Variants in IRF2 observed in about 807,000 individuals in gnomAD.
IRF2 encodes the protein interferon regulatory factor 2.
A neutral mutation model predicts 40.6 loss-of-function variants in IRF2; 15 were observed. The observed-to-expected ratio is 0.37, with a 90% CI of 0.25 to 0.57. The LOEUF (loss-of-function observed/expected upper bound fraction) is 0.57, where lower values mean the gene tolerates loss of function less well. Among genes scored for constraint, IRF2 ranks in the 20% least tolerant of loss-of-function variants. The pLI, the probability that IRF2 is intolerant of heterozygous loss-of-function variation, is 0.77. For missense variants in IRF2, 317 were observed against 455.7 expected, an observed-to-expected ratio of 0.70 and a Z score of 2.77; for synonymous variants, 151 against 165.5, an observed-to-expected ratio of 0.91 and a Z score of 0.67.
intron 6 of IRF2, among the ~76,000 whole-genome samples, chr4:184,404,750 C>T (rs1057252735): frequency 2.0e-5 from 3 of 152,138 alleles, no homozygotes; most frequent in Non-Finnish European, 2.9e-5. Context: ...AAGATCACCG[C>T]GGGGCCGGTG....
intron 1 of IRF2, among the ~76,000 whole-genome samples, chr4:184,465,670 T>C (rs1481159230): frequency 6.6e-6 from 1 of 152,208 alleles, no homozygotes; most frequent in South Asian, 2.1e-4. Context: ...TAAACGCTGC[T>C]CGAAAACACG....
intron 1 of IRF2, among the ~76,000 whole-genome samples, chr4:184,445,591 G>A (rs1738475305): frequency 6.7e-6 from 1 of 149,462 alleles, no homozygotes; most frequent in Non-Finnish European, 1.5e-5. Flanking sequence ...GGAGGCAGAG[G>A]TTACAGTGAA....
chr4:184,456,891 T>G (rs970652597), intron 1 of IRF2, among the ~76,000 whole-genome samples: 2 of 152,204 alleles, frequency 1.3e-5, no homozygotes, highest in Non-Finnish European at 2.9e-5. Flanking sequence ...CACAGGAATA[T>G]CTAGGCCTTT....
chr4:184,427,000 G>A (rs999103968), intron 2 of IRF2, among the ~76,000 whole-genome samples: 3 of 152,188 alleles, frequency 2.0e-5, no homozygotes, highest in African/African-American at 7.2e-5. Context: ...GCTTAGAAGG[G>A]TGCCTGGCAC....
At chr4:184,455,164 C>A (rs1456709702) in intron 1 of IRF2, among the ~76,000 whole-genome samples, 3 of 151,944 alleles carry the variant, frequency 2.0e-5, no homozygotes, top group Non-Finnish European at 2.9e-5. Context: ...CCCATCCCAC[C>A]TTTCTAACCT....
At chr4:184,399,171 GT>G in intron 6 of IRF2, 92 bp from the exon 7 acceptor site, 1 of 1,347,768 alleles carries the variant, frequency 7.4e-7, no homozygotes, top group Non-Finnish European at 1.0e-6. Flanking sequence ...AAAGAGCCAG[GT>G]CGCCAGGCTC....
intron 1 of IRF2, chr4:184,473,861 C>G (rs1739623721): frequency 6.6e-6 from 1 of 152,136 alleles, no homozygotes; most frequent in East Asian, 1.9e-4. Flanking sequence ...ACCCGCTCCC[C>G]TCCTTCGGAT....
At chr4:184,452,890 G>A (rs1212560925) in intron 1 of IRF2, among the ~76,000 whole-genome samples, 1 of 151,762 alleles carries the variant, frequency 6.6e-6, no homozygotes, top group African/African-American at 2.4e-5. Context: ...ATGCACTATG[G>A]GAGTATAAAA....
At chr4:184,429,214 G>A (rs1737784196) in intron 1 of IRF2, 144 bp from the exon 2 acceptor site, 5 of 665,092 alleles carry the variant, frequency 7.5e-6, no homozygotes, top group Non-Finnish European at 1.3e-5. Context: ...GTGTACTCAG[G>A]GGCTGTGCCA....
At chr4:184,416,345 G>GAAAAAAAAAAAAAAA (rs143280573) in intron 5 of IRF2, among the ~76,000 whole-genome samples, 1 of 94,436 alleles carries the variant, frequency 1.1e-5, no homozygotes. Flanking sequence ...AAAAAAAAAC[G>GAAAAAAAAAAAAAAA]AAAAAAAAAA....
At chr4:184,424,928 C>T (rs2149902516) in intron 2 of IRF2, among the ~76,000 whole-genome samples, 1 of 152,308 alleles carries the variant, frequency 6.6e-6, no homozygotes, top group Admixed American at 6.5e-5. Flanking sequence ...AATGTTGCTC[C>T]CCTTCAAATC....
At chr4:184,436,083 TCTC>T (rs1447368618) in intron 1 of IRF2, among the ~76,000 whole-genome samples, 1 of 151,842 alleles carries the variant, frequency 6.6e-6, no homozygotes, top group Admixed American at 6.6e-5. Flanking sequence ...TTCAAGCAAT[TCTC>T]CTGCCTCAGC....
chr4:184,423,073 A>G (rs1193274416), intron 2 of IRF2, among the ~76,000 whole-genome samples: 1 of 152,262 alleles, frequency 6.6e-6, no homozygotes, highest in Non-Finnish European at 1.5e-5. Context: ...GGTAAGAGAA[A>G]GCAAGATTCA....
At chr4:184,414,030 T>C (rs979977726) in intron 5 of IRF2, among the ~76,000 whole-genome samples, 1 of 152,222 alleles carries the variant, frequency 6.6e-6, no homozygotes, top group African/African-American at 2.4e-5. Flanking sequence ...TGGACAAACT[T>C]GGATTCAAAT....
In IRF2 at chr4:184,429,016, T is replaced by G; in HGVS notation, c.49A>C (p.Asn17His). The G allele has an allele frequency of 6.2e-7, 1 of 1,614,124 alleles. No individual in the cohort carries two copies. The highest frequency in any genetic ancestry group is 8.5e-7 in the Non-Finnish European group (1 of 1,179,962). ...TTGAGCCCCGGGATCGTGTTGGAGT[T>G]TATCTGCTCCTCCAGCCACGGGCGC... Reference protein sequence around the residue: ...RMRPWLEEQINSNTIPGLKWL... With the variant: ...RMRPWLEEQIHSNTIPGLKWL... Residue 17 changes from asparagine to histidine, a missense_variant, in exon 2 of 9, where the codon AAC (asparagine) becomes CAC (histidine). By Grantham distance (68) the Asn-to-His change is moderately conservative. Coordinates refer to ENST00000393593, the MANE Select transcript of IRF2 (RefSeq NM_002199.4).
intron 3 of IRF2, among the ~76,000 whole-genome samples, chr4:184,418,960 C>T (rs1167591506): frequency 6.6e-6 from 1 of 152,092 alleles, no homozygotes; most frequent in African/African-American, 2.4e-5. Flanking sequence ...TACTGAACAG[C>T]TTGAGGAAAC....
chr4:184,423,966 A>G (rs1377763231), intron 2 of IRF2, among the ~76,000 whole-genome samples: 1 of 152,206 alleles, frequency 6.6e-6, no homozygotes, highest in Non-Finnish European at 1.5e-5. Flanking sequence ...ATTTTGTCCA[A>G]TTAACAATGG....
At chr4:184,442,732 G>T (rs986750242) in intron 1 of IRF2, among the ~76,000 whole-genome samples, 5 of 151,700 alleles carry the variant, frequency 3.3e-5, no homozygotes, top group African/African-American at 1.2e-4. Flanking sequence ...CTCTAAAAAT[G>T]ACCTCATTTT....
chr4:184,464,828 T>G (rs1390685969), intron 1 of IRF2, among the ~76,000 whole-genome samples: 1 of 151,904 alleles, frequency 6.6e-6, no homozygotes, highest in Non-Finnish European at 1.5e-5. Flanking sequence ...GGAGCTAAGG[T>G]GTTTGTCTGT....
Sources: gnomAD v4.1 joint callset for allele counts (sites outside exome capture counted in the v4.1 genomes callset) on GRCh38, gnomAD v4.1.1 for gene constraint, MANE v1.5 for transcripts, NCBI Gene and HGNC (gene_info 2026-07-23, HGNC 2026-07-21) for gene names.